The following GRIA2 variants were observed in gnomAD, a reference collection of about 807,000 sequenced individuals.
GRIA2 encodes glutamate ionotropic receptor AMPA type subunit 2.
In GRIA2, 14 loss-of-function variants were observed where a neutral mutation model predicts 97.3. The observed-to-expected ratio is 0.14, with a 90% CI of 0.10 to 0.23. The LOEUF (loss-of-function observed/expected upper bound fraction) is 0.23. GRIA2 is among the 10% of genes least tolerant of loss of function. The pLI, the probability that GRIA2 is intolerant of heterozygous loss-of-function variation, is 1.00. For missense variants in GRIA2, 558 were observed against 1,069.8 expected (o/e 0.52, Z 6.67); for synonymous variants, 412 against 387.8 (o/e 1.06, Z -0.73).
intron 2 of GRIA2, among the ~76,000 whole-genome samples, chr4:157,248,705 A>G (rs1236027116): frequency 7.1e-6 from 1 of 140,986 alleles, no homozygotes; most frequent in African/African-American, 2.6e-5. Context: ...ATACACAAGT[A>G]TATATATACA....
chr4:157,247,007 G>A (rs904638745), intron 2 of GRIA2, among the ~76,000 whole-genome samples: 6 of 152,134 alleles, frequency 3.9e-5, no homozygotes, highest in African/African-American at 1.4e-4. Flanking sequence ...TTCACTAGTA[G>A]ATAGGAACAT....
chr4:157,302,302 C>T (rs1024809306), intron 2 of GRIA2, among the ~76,000 whole-genome samples: 4 of 151,632 alleles, frequency 2.6e-5, no homozygotes, highest in Admixed American at 1.3e-4. Flanking sequence ...CCCTTTTTCT[C>T]GAAAAGATAT....
chr4:157,248,140 G>C (rs1010223703), intron 2 of GRIA2, among the ~76,000 whole-genome samples: 2 of 150,452 alleles, frequency 1.3e-5, no homozygotes, highest in African/African-American at 4.9e-5. Context: ...ATATCCAGTC[G>C]ATAGTCTATA....
At chr4:157,349,628 T>C (rs1735919091) in intron 12 of GRIA2, among the ~76,000 whole-genome samples, 1 of 152,146 alleles carries the variant, frequency 6.6e-6, no homozygotes, top group Non-Finnish European at 1.5e-5. Context: ...GTAGTGTTCC[T>C]AGTTTCCAAA....
intron 3 of GRIA2, among the ~76,000 whole-genome samples, chr4:157,306,084 GCTTGCAAAA>G (rs2126871986): frequency 6.6e-6 from 1 of 152,254 alleles, no homozygotes; most frequent in African/African-American, 2.4e-5. Context: ...GCTAAATTTT[GCTTGCAAAA>G]TTGAAGAATT....
At chr4:157,268,505 A>T (rs1731870493) in intron 2 of GRIA2, among the ~76,000 whole-genome samples, 1 of 152,036 alleles carries the variant, frequency 6.6e-6, no homozygotes. Context: ...ATTAACATAC[A>T]TAAAGAATTT....
intron 14 of GRIA2, 38 bp from the exon 15 acceptor site, chr4:157,362,761 T>C (rs1289983429): frequency 6.4e-7 from 1 of 1,570,508 alleles, no homozygotes; most frequent in African/African-American, 1.4e-5. Context: ...TTCACCAGTT[T>C]GCCTTCCTAA....
At chr4:157,342,120 A>AAAC (rs1735576109) in intron 12 of GRIA2, 1 of 974,962 alleles carries the variant, frequency 1.0e-6, no homozygotes, top group Non-Finnish European at 1.2e-6. Context: ...TGTGTGTATA[A>AAAC]AACAACTCTT....
intron 11 of GRIA2, among the ~76,000 whole-genome samples, 194 bp from the exon 12 acceptor site, chr4:157,341,070 G>A (rs1031827995): frequency 6.6e-6 from 1 of 152,016 alleles, no homozygotes; most frequent in Non-Finnish European, 1.5e-5. Context: ...CTGTGTGTAT[G>A]TTATTAAATT....
Position 157,221,867 on chromosome 4 carries a change from TGTGTGTGTGCGTTTCTGGGGTG to T in GRIA2, c.229+78_229+99del, listed in dbSNP as rs1358546125. Reference sequence around the variant, plus strand: ...CACGCGGAAGGCCAGCGAGTGTGAGTGTGTGTGTGCGTTTCTGGGGTGGTGTGTGTGCGTTTCTGTGTGTCAG... The same window carrying T: ...CACGCGGAAGGCCAGCGAGTGTGAGTGTGTGTGTGCGTTTCTGTGTGTCAG... On this transcript the variant is annotated intron_variant, in intron 2 of 15. Coordinates refer to ENST00000264426, the MANE Select transcript of GRIA2 (RefSeq NM_001083619.3). 34 of 1,487,856 alleles carry T rather than the reference TGTGTGTGTGCGTTTCTGGGGTG, an allele frequency of 2.3e-5. No individual in the cohort carries two copies. In the African/African-American group the frequency reaches 3.3e-4, roughly 15 times the overall value. The allele number at this position is 1,487,856 out of a possible 1,614,324, so 92.2% of individuals were successfully genotyped here. A position where few individuals can be genotyped will look rare whatever the true frequency, so the allele number is the denominator to read the frequency against.
chr4:157,283,324 T>A (rs1422136468), intron 2 of GRIA2, among the ~76,000 whole-genome samples: 1 of 151,988 alleles, frequency 6.6e-6, no homozygotes, highest in Non-Finnish European at 1.5e-5. Context: ...GAGGTGGTAT[T>A]CTATCTTTCC....
At chr4:157,249,087 A>C (rs920194149) in intron 2 of GRIA2, among the ~76,000 whole-genome samples, 1 of 152,036 alleles carries the variant, frequency 6.6e-6, no homozygotes, top group Non-Finnish European at 1.5e-5. Context: ...CTCCTGCCTC[A>C]GCCTCCCAAA....
chr4:157,275,194 C>T (rs141568472), intron 2 of GRIA2, among the ~76,000 whole-genome samples: 4,877 of 152,098 alleles, frequency 0.032, 90 homozygotes, highest in Middle Eastern at 0.085. Context: ...TCATATCCTT[C>T]GCCCACTTTT....
chr4:157,340,020 C>T (rs531371214), intron 11 of GRIA2, among the ~76,000 whole-genome samples: 2 of 151,864 alleles, frequency 1.3e-5, no homozygotes, highest in South Asian at 4.2e-4. Context: ...CTCTCTATCT[C>T]CTTTATTTTA....
At position 157,361,162 on chromosome 4, in the gene GRIA2, C is replaced by A; in HGVS notation, c.2406+38C>A. The A allele has an allele frequency of 6.9e-7, 1 of 1,457,464 alleles. No homozygotes were observed. Among genetic ancestry groups the A allele is most frequent in the Non-Finnish European group, 9.6e-7 (1 of 1,038,414 alleles). 90.3% of individuals were successfully genotyped at this position (1,457,464 alleles called of 1,614,324 possible). ...GAGAAAAGTAATGGGTAACTCAATG[C>A]AAAACAAAGTAAGCAGCAGCTATGC... is the stretch of plus-strand genomic sequence containing the variant. On this transcript the variant is annotated intron_variant, in intron 14 of 15. Coordinates refer to ENST00000264426, the MANE Select transcript of GRIA2 (RefSeq NM_001083619.3). This position sits in a 1 kb window ranked among gnomAD's most constrained non-coding sequence, Gnocchi z 5.2.
intron 2 of GRIA2, among the ~76,000 whole-genome samples, chr4:157,226,636 T>A (rs1162539947): frequency 1.3e-5 from 2 of 152,142 alleles, no homozygotes; most frequent in Admixed American, 6.5e-5. Context: ...TAAGACTTTA[T>A]TGCACTTGGA....
At chr4:157,281,914 C>T (rs776997321) in intron 2 of GRIA2, among the ~76,000 whole-genome samples, 18 of 152,104 alleles carry the variant, frequency 1.2e-4, no homozygotes, top group Non-Finnish European at 2.5e-4. Flanking sequence ...TGTACCTTCT[C>T]ATAAGCATCT....
At chr4:157,225,369 TC>T (rs1729696242) in intron 2 of GRIA2, among the ~76,000 whole-genome samples, 1 of 152,096 alleles carries the variant, frequency 6.6e-6, no homozygotes, top group Non-Finnish European at 1.5e-5. Context: ...ACTCATTTTT[TC>T]CTTTCCTCCC....
At chr4:157,339,771 A>G (rs951880972) in intron 11 of GRIA2, among the ~76,000 whole-genome samples, 1 of 151,894 alleles carries the variant, frequency 6.6e-6, no homozygotes, top group Non-Finnish European at 1.5e-5. Flanking sequence ...TAAATATATG[A>G]TATGTGTCAT....
Sources: allele counts gnomAD v4.1 joint callset (sites outside exome capture counted in the v4.1 genomes callset), GRCh38; gene constraint gnomAD v4.1.1; non-coding constraint Gnocchi (gnomAD v3.1); transcripts MANE v1.5; gene names NCBI Gene and HGNC (gene_info 2026-07-23, HGNC 2026-07-21).